Variants in SLC38A2 observed in about 807,000 individuals in gnomAD.
SLC38A2 encodes sodium-coupled neutral amino acid symporter 2.
SLC38A2 carries 11 observed loss-of-function variants against 61.5 expected under a neutral mutation model. The observed-to-expected ratio is 0.18, with a 90% CI of 0.11 to 0.30. The LOEUF is 0.30. Ranked by LOEUF, SLC38A2 falls within the 10% of genes least tolerant of loss-of-function variation. The pLI, the probability that SLC38A2 is intolerant of heterozygous loss-of-function variation, is 1.00. For missense variants in SLC38A2, 522 were observed against 600.4 expected (o/e 0.87, Z 1.36); for synonymous variants, 217 against 212.5 (o/e 1.02, Z -0.18).
At chr12:46,365,010 C>T in intron 8 of SLC38A2, 97 bp downstream of exon 8, 1 of 1,166,534 alleles carries the variant, frequency 8.6e-7, no homozygotes, top group Non-Finnish European at 1.3e-6. Context: ...TTTCTACTTT[C>T]TAGGGCTTTT....
At chr12:46,371,525 G>A (rs1943200674) in intron 1 of SLC38A2, 146 bp from the exon 2 acceptor site, 1 of 505,922 alleles carries the variant, frequency 2.0e-6, no homozygotes, top group East Asian at 3.7e-5. Flanking sequence ...GGGGCGCGCC[G>A]AGGGGCGGAA....
intron 4 of SLC38A2, among the ~76,000 whole-genome samples, chr12:46,367,947 A>G (rs1006475398): frequency 2.0e-5 from 3 of 152,098 alleles, no homozygotes; most frequent in Non-Finnish European, 4.4e-5. Flanking sequence ...AGCTTGGACA[A>G]CATAACATAG....
Position 46,372,758 on chromosome 12 carries a change from G to T in SLC38A2, c.-336C>A. The T allele has an allele frequency of 2.5e-6, 1 of 398,300 alleles. No homozygotes were observed. Among genetic ancestry groups the T allele is most frequent in the Non-Finnish European group, 4.4e-6 (1 of 225,812 alleles). The allele number at this position is 398,300 out of a possible 1,614,324, so 24.7% of individuals were successfully genotyped here. A position where few individuals can be genotyped will look rare whatever the true frequency, so the allele number is the denominator to read the frequency against. The stretch of plus-strand genomic sequence containing the variant: ...TACTGGAAAGGCGTTCTAAGGCGGC[G>T]GCGTCGCGCGGCTGTGGAGCAGCCC... On this transcript the variant is annotated 5_prime_UTR_variant, in exon 1 of 16. Transcript: ENST00000256689.
At position 46,367,554 on chromosome 12, in the gene SLC38A2, T is replaced by TC. The variant is rs1201342190; in HGVS notation, c.315-215dup. On this transcript the variant is annotated intron_variant, in intron 4 of 15. Coordinates refer to ENST00000256689, the MANE Select transcript of SLC38A2 (RefSeq NM_018976.5). ...CTTGCATCATTTCTCAGGTGATAGT[T>TC]CTACAGCATTGGTTAGGAACAAGGA... 6 of 586,766 alleles carry TC rather than the reference T, an allele frequency of 1.0e-5. No individual in the cohort carries two copies. In the Admixed American group the frequency reaches 1.3e-4, roughly 13 times the overall value. 36.3% of individuals were successfully genotyped at this position (586,766 alleles called of 1,614,324 possible). A position where few individuals can be genotyped will look rare whatever the true frequency, so the allele number is the denominator to read the frequency against.
chr12:46,362,146 A>C, intron 15 of SLC38A2, 138 bp downstream of exon 15: 1 of 659,132 alleles, frequency 1.5e-6, no homozygotes. Context: ...CCATCTGTGA[A>C]GTATACCATT....
intron 1 of SLC38A2, among the ~76,000 whole-genome samples, chr12:46,371,836 G>GC (rs1943206146): frequency 2.0e-5 from 3 of 152,158 alleles, no homozygotes; most frequent in Non-Finnish European, 4.4e-5. Flanking sequence ...ACTGCCCGGA[G>GC]TCCCCACACG....
chr12:46,362,105 AAACT>A (rs1943087684), intron 15 of SLC38A2, 175 bp downstream of exon 15: 1 of 542,654 alleles, frequency 1.8e-6, no homozygotes, highest in Non-Finnish European at 3.2e-6. Context: ...ATTAGATGGC[AAACT>A]ATCTTTCCCC....
rs1943120451 is a variant in SLC38A2, at chr12:46,364,660, A to T, written c.689T>A (p.Val230Glu). 6.2e-7 allele frequency: 1 copy of T among 1,609,894 alleles called. No individual in the cohort carries two copies. Among genetic ancestry groups the T allele is most frequent in the Non-Finnish European group, 8.5e-7 (1 of 1,178,454 alleles). ...CATACCCACCACAATCAGAAAGAAC[A>T]CCATACACAACAAGGAAAGGCCACT... ...YTSGLSLLCMVFFLIVVICKK... is the reference protein window; with the variant it reads ...YTSGLSLLCMEFFLIVVICKK... The change falls in exon 9 of 16, where the codon GTG becomes GAG. Residue 230 changes from valine to glutamate, a missense_variant. By Grantham distance (121) the Val-to-Glu change is moderately radical. This residue lies in a region of SLC38A2 where 309 missense variants were observed against 343.9 expected (regional missense o/e 0.90). Coordinates refer to ENST00000256689, the MANE Select transcript of SLC38A2 (RefSeq NM_018976.5).
Position 46,362,643 on chromosome 12 carries a change from A to G in SLC38A2, c.1180-5T>C. On this transcript the variant is annotated splice_region_variant and splice_polypyrimidine_tract_variant and intron_variant, in intron 13 of 15. Coordinates refer to ENST00000256689, the MANE Select transcript of SLC38A2 (RefSeq NM_018976.5). ...GTGAGTTACAGAACTCCGGATCTGC[A>G]AAAAAAATAAATAAAATGTATTTTA... is the stretch of plus-strand genomic sequence containing the variant. The G allele has an allele frequency of 6.5e-7, 1 of 1,539,110 alleles. No individual in the cohort carries two copies. Among genetic ancestry groups the G allele is most frequent in the East Asian group, 2.4e-5 (1 of 41,966 alleles).
rs1943072140 is a variant in SLC38A2 at position 46,360,697 on chromosome 12, G to C, written c.*414C>G. On this transcript the variant is annotated 3_prime_UTR_variant, in exon 16 of 16. Coordinates refer to ENST00000256689, the MANE Select transcript of SLC38A2 (RefSeq NM_018976.5). ...AAAAAATAATAGTGTTTTTGTCAAT[G>C]GTTATTCAATATTTTGCTGTAAATT... 1 of 158,756 alleles carries C rather than the reference G, an allele frequency of 6.3e-6. No individual in the cohort carries two copies. The highest frequency in any genetic ancestry group is 6.5e-5 in the Admixed American group (1 of 15,484). The allele number at this position is 158,756 out of a possible 1,614,324, so 9.8% of individuals were successfully genotyped here.
At chr12:46,365,317 AAGTTT>A (rs1943128651) in intron 7 of SLC38A2, 128 bp from the exon 8 acceptor site, 3 of 778,878 alleles carry the variant, frequency 3.9e-6, no homozygotes, top group Non-Finnish European at 6.5e-6. Flanking sequence ...TGTTTGGAAA[AAGTTT>A]CCCCTGTTCA....
Position 46,367,178 on chromosome 12 carries a change from G to A in SLC38A2, c.389-10C>T, listed in dbSNP as rs750353001. 14 of 1,608,232 alleles carry A rather than the reference G, an allele frequency of 8.7e-6. No homozygotes were observed. Among genetic ancestry groups the A allele is most frequent in the South Asian group, 2.2e-5 (2 of 90,660 alleles). On this transcript the variant is annotated splice_polypyrimidine_tract_variant and intron_variant, in intron 5 of 15. Transcript: ENST00000256689. The stretch of plus-strand genomic sequence containing the variant: ...TCATATAATAAAGACCCTACAATTT[G>A]AAGACAGAAGCATGAAGCCAAGGAT...
At chr12:46,368,052 T>C (rs1943157241) in intron 4 of SLC38A2, among the ~76,000 whole-genome samples, 1 of 152,104 alleles carries the variant, frequency 6.6e-6, no homozygotes, top group Non-Finnish European at 1.5e-5. Context: ...GGGGTATCAC[T>C]TGAGCCCAGC....
In SLC38A2 at chr12:46,363,939, T is replaced by C. The variant is rs1167869152; in HGVS notation, c.938A>G (p.Tyr313Cys). 4 of 1,611,808 alleles carry C rather than the reference T, an allele frequency of 2.5e-6. No homozygotes were observed. The highest frequency in any genetic ancestry group is 1.1e-5 in the South Asian group (1 of 90,838). ...AAATACTCACTCTTTCAGTTCTTCA[T>C]AGATGGGAAGAACAGCAGGATGACA... Reference protein sequence around the residue: ...FVCHPAVLPIYEELKDRSRRR... With the variant: ...FVCHPAVLPICEELKDRSRRR... Residue 313 changes from tyrosine to cysteine, a missense_variant, in exon 11 of 16, where the codon TAT becomes TGT. Tyr to Cys is a radical substitution (Grantham distance 194, BLOSUM62 -2). Transcript: ENST00000256689.
chr12:46,361,204 C>T lies in SLC38A2; in HGVS notation c.1428G>A (p.Leu476=), dbSNP rs754863333. Residue 476 remains leucine, a synonymous_variant, in exon 16 of 16, where the codon TTG becomes TTA. Transcript: ENST00000256689. Reference sequence around the variant, plus strand: ...CCAGTACACCACTTAACAGGAAGAACAAAGCCTGCAAAGAGCATAGAGAAA... The same window carrying T: ...CCAGTACACCACTTAACAGGAAGAATAAAGCCTGCAAAGAGCATAGAGAAA... ...PMKSVQKIGA[L]FFLLSGVLVM... is the part of the protein sequence containing the mutation. The T allele has an allele frequency of 1.2e-6, 2 of 1,612,474 alleles. No homozygotes were observed. The highest frequency in any genetic ancestry group is 2.7e-5 in the African/African-American group (2 of 74,838).
Position 46,364,526 on chromosome 12 carries a change from G to A in SLC38A2, c.736C>T (p.Pro246Ser). Residue 246 changes from proline to serine, a missense_variant, in exon 10 of 16, where the codon CCT (proline) becomes TCT (serine). By Grantham distance (74) the Pro-to-Ser change is moderately conservative. Transcript: ENST00000256689. ...VICKKFQVPCPVEAALIINET... is the reference protein window; with the variant it reads ...VICKKFQVPCSVEAALIINET... ...TTAATTATCAAAGCAGCTTCCACAG[G>A]ACACGGAACCTGAAATTTCTTGCAA... is the stretch of plus-strand genomic sequence containing the variant. The A allele has an allele frequency of 6.2e-7, 1 of 1,607,132 alleles. No homozygotes were observed.
Position 46,372,635 on chromosome 12 carries a change from A to G in SLC38A2, c.-213T>C. The G allele has an allele frequency of 2.5e-6, 1 of 398,480 alleles. No individual in the cohort carries two copies. Among genetic ancestry groups the G allele is most frequent in the Non-Finnish European group, 4.4e-6 (1 of 225,936 alleles). The allele number at this position is 398,480 out of a possible 1,614,324, so 24.7% of individuals were successfully genotyped here. A position where few individuals can be genotyped will look rare whatever the true frequency, so the allele number is the denominator to read the frequency against. On this transcript the variant is annotated 5_prime_UTR_variant, in exon 1 of 16. Coordinates refer to ENST00000256689, the MANE Select transcript of SLC38A2 (RefSeq NM_018976.5). ...GGCAGGAAAAATAATTTTAATAAAA[A>G]AGGAAAAGACAAATTGCCGCCCCAA...
Position 46,362,343 on chromosome 12 carries a change from A to G in SLC38A2, c.1363T>C (p.Ser455Pro), listed in dbSNP as rs1428775164. 8 of 1,612,198 alleles carry G rather than the reference A, an allele frequency of 5.0e-6. No homozygotes were observed. The highest frequency in any genetic ancestry group is 6.8e-6 in the Non-Finnish European group (8 of 1,179,160). Residue 455 changes from serine (S) to proline (P), a missense_variant, in exon 15 of 16, where the codon TCT becomes CCT. Around this residue, in one of 3 missense-constraint regions of SLC38A2, gnomAD observed 309 missense variants for 343.9 expected, o/e 0.90. Transcript: ENST00000256689. ...TTCACCAACTTGATATAGAAGGCAG[A>G]AGGAAGAATAAAAATCAACATAGAA... ...AASMLIFILP[S>P]AFYIKLVKKE...
At chr12:46,365,770 G>A (rs1160373572) in intron 7 of SLC38A2, among the ~76,000 whole-genome samples, 1 of 151,972 alleles carries the variant, frequency 6.6e-6, no homozygotes, top group Non-Finnish European at 1.5e-5. Context: ...AGAGTATGTT[G>A]TGACATCTTG....
Sources: gnomAD v4.1 joint callset for allele counts (sites outside exome capture counted in the v4.1 genomes callset) on GRCh38, gnomAD v4.1.1 for gene constraint, gnomAD v4.1.1 regional missense constraint, MANE v1.5 for transcripts, NCBI Gene and HGNC (gene_info 2026-07-23, HGNC 2026-07-21) for gene names.